The following LTBP1 variants were observed in gnomAD, a reference collection of about 807,000 sequenced individuals.
The protein encoded by LTBP1 is latent-transforming growth factor beta-binding protein 1.
Under a neutral mutation model 207.6 loss-of-function variants are expected in LTBP1, and 129 were observed. The observed-to-expected ratio is 0.62, with a 90% CI of 0.54 to 0.72. The LOEUF is 0.72. LTBP1 is among the 30% of genes least tolerant of loss of function. The probability of loss-of-function intolerance (pLI) is 0.00; values close to 1 mark genes in which losing one functional copy is unlikely to be tolerated. For missense variants in LTBP1, 2,281 were observed against 2,217.2 expected (o/e 1.03, Z -0.58); for synonymous variants, 963 against 833.7 (o/e 1.16, Z -2.67).
intron 5 of LTBP1, among the ~76,000 whole-genome samples, chr2:33,184,825 G>C (rs992046320): frequency 2.7e-5 from 4 of 146,022 alleles, no homozygotes; most frequent in Middle Eastern, 7.1e-3. Flanking sequence ...ATTGGGCTAT[G>C]TGCTAGCAGT....
At chr2:33,041,995 C>A (rs1211393716) in intron 3 of LTBP1, among the ~76,000 whole-genome samples, 1 of 152,172 alleles carries the variant, frequency 6.6e-6, no homozygotes, top group Non-Finnish European at 1.5e-5. Context: ...TGCTCCACAT[C>A]CTCATCAGCA....
At chr2:33,191,584 C>T (rs556635934) in intron 7 of LTBP1, among the ~76,000 whole-genome samples, 6 of 152,274 alleles carry the variant, frequency 3.9e-5, no homozygotes, top group Admixed American at 3.9e-4. Flanking sequence ...ACATTACTGG[C>T]AAATAATCAT....
chr2:33,296,306 A>C (rs1474545542), intron 20 of LTBP1, among the ~76,000 whole-genome samples: 3 of 151,956 alleles, frequency 2.0e-5, no homozygotes, highest in African/African-American at 7.3e-5. Flanking sequence ...TACTTGTCAC[A>C]GTTGCATTCT....
chr2:33,266,488 C>G (rs920853311), intron 15 of LTBP1, among the ~76,000 whole-genome samples: 1 of 152,152 alleles, frequency 6.6e-6, no homozygotes, highest in Non-Finnish European at 1.5e-5. Flanking sequence ...GCTGCCAGTT[C>G]CAGGTGTAGT....
At chr2:33,387,861 A>G (rs1259965087) in intron 31 of LTBP1, among the ~76,000 whole-genome samples, 1 of 152,056 alleles carries the variant, frequency 6.6e-6, no homozygotes, top group Non-Finnish European at 1.5e-5. Context: ...TTGCATGACA[A>G]TAGAGGAAAA....
intron 3 of LTBP1, among the ~76,000 whole-genome samples, chr2:33,106,314 C>G (rs1333277381): frequency 4.6e-5 from 7 of 152,214 alleles, no homozygotes; most frequent in Non-Finnish European, 8.8e-5. Flanking sequence ...GACCTCCTCC[C>G]ATGAATCACA....
intron 4 of LTBP1, among the ~76,000 whole-genome samples, chr2:33,118,203 A>AC (rs1340601322): frequency 1.3e-5 from 2 of 148,464 alleles, no homozygotes; most frequent in South Asian, 2.2e-4. Flanking sequence ...AAAAAAAAAA[A>AC]CAAAAAAAAA....
Position 33,198,620 on chromosome 2 carries a change from G to A in LTBP1, c.1701+9769G>A, listed in dbSNP as rs182569044. Among the ~76,000 whole-genome samples the A allele has an allele frequency of 3.7e-3, 567 of 152,312 alleles. 3 individuals carry two copies. Among genetic ancestry groups the A allele is most frequent in the African/African-American group, 0.013 (536 of 41,560 alleles). The stretch of plus-strand genomic sequence containing the variant: ...AGAGATTCAACTTCTTCCTGGTTTA[G>A]TCTTGGGAGAGTGTATATGTCGAGG... On this transcript the variant is annotated intron_variant, in intron 7 of 33. Coordinates refer to ENST00000404816, the MANE Select transcript of LTBP1 (RefSeq NM_206943.4).
At chr2:33,123,644 C>G (rs218198) in intron 4 of LTBP1, among the ~76,000 whole-genome samples, 6,718 of 152,256 alleles carry the variant, frequency 0.044, 177 homozygotes, top group Middle Eastern at 0.058. Context: ...AACAGATGTG[C>G]TGAAGGCATT....
At chr2:33,184,022 T>C (rs2086927868) in intron 5 of LTBP1, among the ~76,000 whole-genome samples, 1 of 152,132 alleles carries the variant, frequency 6.6e-6, no homozygotes, top group Admixed American at 6.5e-5. Context: ...CTTTTCCTCC[T>C]GTGTCCCATC....
intron 31 of LTBP1, 141 bp from the exon 32 acceptor site, chr2:33,389,043 T>C (rs2095292102): frequency 3.4e-6 from 4 of 1,176,144 alleles, no homozygotes; most frequent in Non-Finnish European, 4.9e-6. Context: ...TTCAGACACT[T>C]TCCAGGCTCA....
chr2:33,257,005 G>A (rs1200774622), intron 11 of LTBP1, among the ~76,000 whole-genome samples: 1 of 150,806 alleles, frequency 6.6e-6, no homozygotes, highest in Non-Finnish European at 1.5e-5. Context: ...TATATGCTAA[G>A]TATATGCTAT....
At chr2:33,219,621 G>C (rs761229391) in intron 8 of LTBP1, among the ~76,000 whole-genome samples, 2 of 152,020 alleles carry the variant, frequency 1.3e-5, no homozygotes, top group Non-Finnish European at 2.9e-5. Context: ...ATTTTCCACT[G>C]TTTGGTCTAA....
chr2:32,990,303 C>T (rs761272662), intron 2 of LTBP1, among the ~76,000 whole-genome samples: 2 of 152,196 alleles, frequency 1.3e-5, no homozygotes, highest in Admixed American at 6.5e-5. Flanking sequence ...GACTGGGGCA[C>T]TTCTAGAGCT....
At chr2:33,318,627 G>A (rs2094307806) in intron 24 of LTBP1, among the ~76,000 whole-genome samples, 1 of 152,106 alleles carries the variant, frequency 6.6e-6, no homozygotes, top group Non-Finnish European at 1.5e-5. Context: ...AATTGCAGGG[G>A]AACAGGACTC....
chr2:33,009,534 G>A (rs989440320), intron 2 of LTBP1, among the ~76,000 whole-genome samples: 26 of 152,182 alleles, frequency 1.7e-4, no homozygotes, highest in Admixed American at 1.3e-4. Flanking sequence ...TGAAGATATA[G>A]CAATAAGGAC....
intron 2 of LTBP1, among the ~76,000 whole-genome samples, chr2:32,996,314 C>G (rs183502423): frequency 1.3e-5 from 2 of 152,190 alleles, no homozygotes; most frequent in East Asian, 3.9e-4. Flanking sequence ...CAAGGAGTCT[C>G]TCTAGGACCT....
intron 10 of LTBP1, 52 bp from the exon 11 acceptor site, chr2:33,252,625 C>T: frequency 6.6e-7 from 1 of 1,512,358 alleles, no homozygotes; most frequent in Non-Finnish European, 9.0e-7. Flanking sequence ...TTTGGAAAGC[C>T]AATGTAGTTT....
At chr2:33,176,372 C>T (rs959717009) in intron 5 of LTBP1, among the ~76,000 whole-genome samples, 34 of 152,104 alleles carry the variant, frequency 2.2e-4, no homozygotes, top group African/African-American at 7.0e-4. Context: ...ACTACAGGCG[C>T]CCGCCACCAC....
Sources: allele counts gnomAD v4.1 joint callset (sites outside exome capture counted in the v4.1 genomes callset), GRCh38; gene constraint gnomAD v4.1.1; transcripts MANE v1.5; gene names NCBI Gene and HGNC (gene_info 2026-07-23, HGNC 2026-07-21).